The following CFAP251 variants were observed in gnomAD, a reference collection of about 807,000 sequenced individuals.
The protein encoded by CFAP251 is cilia and flagella associated protein 251.
CFAP251 carries 93 observed loss-of-function variants against 126.7 expected under a neutral mutation model. That is an observed-to-expected ratio of 0.73 (90% confidence interval 0.62 to 0.87). The LOEUF (loss-of-function observed/expected upper bound fraction) is 0.87. Ranked by LOEUF, CFAP251 falls within the 40% of genes least tolerant of loss-of-function variation. CFAP251 has a pLI of 0.00. For missense variants in CFAP251, 1,287 were observed against 1,389.2 expected, an observed-to-expected ratio of 0.93 and a Z score of 1.17; for synonymous variants, 503 against 506.9, an observed-to-expected ratio of 0.99 and a Z score of 0.10.
intron 19 of CFAP251, among the ~76,000 whole-genome samples, chr12:121,991,516 C>A (rs1050189242): frequency 2.6e-5 from 4 of 152,148 alleles, no homozygotes; most frequent in Non-Finnish European, 5.9e-5. Context: ...AATGGTCAGA[C>A]CCTATCCCAG....
chr12:121,986,832 G>A (rs370925120), intron 19 of CFAP251, among the ~76,000 whole-genome samples: 92 of 152,068 alleles, frequency 6.0e-4, no homozygotes, highest in African/African-American at 2.1e-3. Context: ...TCATTCAGTG[G>A]CATCTGCCCT....
In CFAP251 at chr12:121,977,731, G is replaced by A. The variant is rs987376186; in HGVS notation, c.3006+2046G>A. On this transcript the variant is annotated intron_variant, in intron 19 of 21. Transcript: ENST00000288912. ...AGCACTTTGGGAGGCCAAGGCGGGC[G>A]GATCACGAGGTCAGAAGATCGAGAC... Among the ~76,000 whole-genome samples the A allele has an allele frequency of 3.3e-5, 5 of 151,100 alleles. 2 individuals are homozygous for A. The highest frequency in any genetic ancestry group is 4.2e-4 in the South Asian group (2 of 4,808).
At chr12:121,992,175 C>T in intron 19 of CFAP251, 5 of 984,608 alleles carry the variant, frequency 5.1e-6, no homozygotes, top group South Asian at 9.4e-5. Context: ...CTCAAGCCAT[C>T]TTCACACGGG....
At position 121,923,900 on chromosome 12, in the gene CFAP251, C is replaced by G; in HGVS notation, c.657C>G (p.Ser219=). 6.2e-7 allele frequency: 1 copy of G among 1,614,034 alleles called. No homozygotes were observed. Among genetic ancestry groups the G allele is most frequent in the African/African-American group, 1.3e-5 (1 of 74,994 alleles). The change falls in exon 3 of 22, where the codon TCC becomes TCG. Residue 219 remains serine, a synonymous_variant. Transcript: ENST00000288912. ...GQERRVSDIQ[S]KAGISRESLV... ...AAAGGAGAGTATCCGACATCCAGTC[C>G]AAAGCAGGGATCTCCCGGGAGTCAC...
chr12:121,965,311 A>G (rs539001959), intron 15 of CFAP251, among the ~76,000 whole-genome samples: 1 of 152,352 alleles, frequency 6.6e-6, no homozygotes, highest in Non-Finnish European at 1.5e-5. Context: ...AGAGGCTAGG[A>G]AAACGGGCAC....
intron 15 of CFAP251, among the ~76,000 whole-genome samples, chr12:121,966,574 A>G (rs1302123513): frequency 3.6e-5 from 5 of 139,696 alleles, no homozygotes; most frequent in Non-Finnish European, 7.7e-5. Flanking sequence ...TGCCCCATCC[A>G]TGACCAAAGA....
At chr12:121,923,038 G>A (rs1159192778) in intron 2 of CFAP251, among the ~76,000 whole-genome samples, 1 of 151,950 alleles carries the variant, frequency 6.6e-6, no homozygotes, top group African/African-American at 2.4e-5. Flanking sequence ...CTCGTGATCT[G>A]CCCGCCTCGG....
Position 121,958,362 on chromosome 12 carries a change from TG to T in CFAP251, c.1822del (p.Ala608ProfsTer22), listed in dbSNP as rs1881801798. 1 of 1,614,206 alleles carries T rather than the reference TG, an allele frequency of 6.2e-7. No individual in the cohort carries two copies. On this transcript the variant is annotated frameshift_variant, in exon 12 of 22. Transcript: ENST00000288912. LOFTEE classifies it high-confidence loss of function. Reference sequence around the variant, plus strand: ...AGAAGTTATTTGTAGAGCCCAAGGATGCCATTTGTGCCATCTCCTGCCACCC... The same window carrying T: ...AGAAGTTATTTGTAGAGCCCAAGGATCCATTTGTGCCATCTCCTGCCACCC... ...LEKLFVEPKD[A>X]ICAISCHPYQ...
intron 5 of CFAP251, among the ~76,000 whole-genome samples, chr12:121,941,971 C>G (rs1047442609): frequency 1.3e-5 from 2 of 152,152 alleles, no homozygotes; most frequent in African/African-American, 4.8e-5. Context: ...ATATTTACAT[C>G]CTTCCTGCCA....
At position 121,918,916 on chromosome 12, in the gene CFAP251, G is replaced by A. The variant is rs562601287; in HGVS notation, c.-21+221G>A. Among the ~76,000 whole-genome samples, 2 of 152,180 alleles carry A rather than the reference G, an allele frequency of 1.3e-5. No individual in the cohort carries two copies. The highest frequency in any genetic ancestry group is 2.1e-4 in the South Asian group (1 of 4,826). ...TGGCACCCCTGCCCCAAACCCCTGCGGCTCGAACCCGGCTGTCCAGACGCG... is the reference window on the plus strand; with the variant it reads ...TGGCACCCCTGCCCCAAACCCCTGCAGCTCGAACCCGGCTGTCCAGACGCG... On this transcript the variant is annotated intron_variant, in intron 1 of 21. Coordinates refer to ENST00000288912, the MANE Select transcript of CFAP251 (RefSeq NM_144668.6). This position sits in a 1 kb window ranked among gnomAD's most constrained non-coding sequence, Gnocchi z 4.3.
At chr12:121,948,300 G>T (rs1881394015) in intron 7 of CFAP251, 1 of 152,202 alleles carries the variant, frequency 6.6e-6, no homozygotes, top group South Asian at 2.1e-4. Flanking sequence ...ATTTAGAAAT[G>T]TATACGCAGC....
chr12:121,939,886 A>G (rs960561018), intron 5 of CFAP251, among the ~76,000 whole-genome samples: 11 of 152,228 alleles, frequency 7.2e-5, no homozygotes, highest in African/African-American at 2.7e-4. Context: ...CCACTTACAA[A>G]TTTGGTTATT....
In CFAP251 at chr12:121,958,926, C is replaced by G; in HGVS notation, c.1982-17C>G. The G allele has an allele frequency of 2.5e-6, 4 of 1,571,890 alleles. No homozygotes were observed. The highest frequency in any genetic ancestry group is 3.4e-6 in the Non-Finnish European group (4 of 1,165,422). On this transcript the variant is annotated splice_polypyrimidine_tract_variant and intron_variant, in intron 12 of 21. Coordinates refer to ENST00000288912, the MANE Select transcript of CFAP251 (RefSeq NM_144668.6). ...GAATGTAATCCTTTTCCATCGTTCT[C>G]TGGCTTGTCATTTCAGGAGCCCTTC...
Position 121,921,520 on chromosome 12 carries a change from T to C in CFAP251, c.215T>C (p.Ile72Thr), listed in dbSNP as rs760311072. 2.7e-5 allele frequency: 29 copies of C among 1,087,074 alleles called. No individual in the cohort carries two copies. Among genetic ancestry groups the C allele is most frequent in the South Asian group, 9.7e-5 (6 of 62,034 alleles). The allele number at this position is 1,087,074 out of a possible 1,614,324, so 67.3% of individuals were successfully genotyped here. ...GEEEGKEDKKIVMEETEEKAG... is the reference protein window; with the variant it reads ...GEEEGKEDKKTVMEETEEKAG... ...GAGGAGGGGAAGGAGGACAAAAAGA[T>C]TGTCATGGAAGAAACTGAGGAAAAG... Residue 72 changes from isoleucine to threonine, a missense_variant, in exon 2 of 22, where the codon ATT (isoleucine) becomes ACT (threonine). By Grantham distance (89) the Ile-to-Thr change is moderately conservative. Transcript: ENST00000288912.
Position 121,921,453 on chromosome 12 carries a change from T to G in CFAP251, c.148T>G (p.Ser50Ala). The change falls in exon 2 of 22, where the codon TCT becomes GCT. Residue 50 changes from serine (S) to alanine (A), a missense_variant. Transcript: ENST00000288912. ...SKDDTIAWRE[S>A]QEEERKTGEE... ...AGATGACACAATAGCATGGAGAGAG[T>G]CTCAGGAGGAGGAGAGGAAAACGGG... The G allele has an allele frequency of 6.2e-7, 1 of 1,608,352 alleles. No individual in the cohort carries two copies. The highest frequency in any genetic ancestry group is 1.4e-5 in the African/African-American group (1 of 72,708).
Position 121,967,070 on chromosome 12 carries a change from G to T in CFAP251, c.2607+1G>T. ...CTTGGTGTTTATTAACAGAGACAAG[G>T]TAACAGCGCTCTCTTCTCCAGTTCT... On this transcript the variant is annotated splice_donor_variant, in intron 16 of 21. Transcript: ENST00000288912. LOFTEE classifies it high-confidence loss of function. 1 of 1,612,996 alleles carries T rather than the reference G, an allele frequency of 6.2e-7. No homozygotes were observed. Among genetic ancestry groups the T allele is most frequent in the South Asian group, 1.1e-5 (1 of 91,056 alleles).
At chr12:121,945,867 C>T (rs760157513) in intron 7 of CFAP251, among the ~76,000 whole-genome samples, 59 of 151,746 alleles carry the variant, frequency 3.9e-4, no homozygotes, top group Non-Finnish European at 6.8e-4. Context: ...GGAGTTTCAC[C>T]GTGTTAGCCA....
chr12:121,954,645 A>AC lies in CFAP251; in HGVS notation c.1535+311_1535+312insC, dbSNP rs1427852339. ...TGAGACCCTCCTGTCTTAAAAAAAA[A>AC]AAAAAAAAAAAAAAAAAAAAAAACC... On this transcript the variant is annotated intron_variant, in intron 10 of 21. Transcript: ENST00000288912. Among the ~76,000 whole-genome samples the AC allele has an allele frequency of 5.2e-3, 692 of 134,356 alleles. 6 individuals are homozygous for AC. Among genetic ancestry groups the AC allele is most frequent in the African/African-American group, 0.017 (668 of 39,356 alleles). 88.1% of individuals were successfully genotyped at this position (134,356 alleles called of 152,430 possible).
intron 15 of CFAP251, among the ~76,000 whole-genome samples, chr12:121,963,495 C>T (rs964333175): frequency 4.0e-5 from 6 of 151,256 alleles, no homozygotes; most frequent in African/African-American, 1.2e-4. Flanking sequence ...AGGCACGAGA[C>T]GGGGAGGACA....
Sources: allele counts gnomAD v4.1 joint callset (sites outside exome capture counted in the v4.1 genomes callset), GRCh38; gene constraint gnomAD v4.1.1; non-coding constraint Gnocchi (gnomAD v3.1); transcripts MANE v1.5; gene names NCBI Gene and HGNC (gene_info 2026-07-23, HGNC 2026-07-21).